Variants in CGRRF1 observed in about 807,000 individuals in gnomAD.
CGRRF1 encodes cell growth regulator with RING finger domain protein 1.
A neutral mutation model predicts 37.2 loss-of-function variants in CGRRF1; 32 were observed. The observed-to-expected ratio is 0.86, with a 90% CI of 0.65 to 1.16. The LOEUF is 1.16. CGRRF1 is among the 50% of genes most tolerant of loss of function. The pLI is 0.00. For synonymous variants in CGRRF1, 141 were observed against 140.3 expected, an observed-to-expected ratio of 1.00 and a Z score of -0.04; for missense variants, 391 against 382.6, an observed-to-expected ratio of 1.02 and a Z score of -0.18.
intron 2 of CGRRF1, 106 bp downstream of exon 2, chr14:54,522,699 A>G: frequency 9.4e-7 from 1 of 1,069,416 alleles, no homozygotes. Context: ...TTTAACAAAC[A>G]TTTGTTGGGC....
chr14:54,515,083 G>GT lies in CGRRF1; in HGVS notation c.104+5026dup, dbSNP rs1219713266. Among the ~76,000 whole-genome samples the GT allele has an allele frequency of 1.0e-3, 140 of 139,912 alleles. 2 individuals carry two copies. The highest frequency in any genetic ancestry group is 2.2e-3 in the African/African-American group (82 of 37,528). 91.8% of individuals were successfully genotyped at this position (139,912 alleles called of 152,430 possible). A position where few individuals can be genotyped will look rare whatever the true frequency, so the allele number is the denominator to read the frequency against. On this transcript the variant is annotated intron_variant, in intron 1 of 5. Transcript: ENST00000216420. ...TATATATTCTGCTATTATTGGGTGA[G>GT]TTTTTTGTTTTTTTTTTTTTTTTTG...
At chr14:54,523,324 TA>T (rs1396032152) in intron 2 of CGRRF1, 7 of 154,178 alleles carry the variant, frequency 4.5e-5, no homozygotes, top group African/African-American at 1.7e-4. Context: ...TATTTTGATA[TA>T]ACATGTTCTT....
chr14:54,537,987 C>G, intron 5 of CGRRF1, 76 bp from the exon 6 acceptor site: 1 of 1,451,204 alleles, frequency 6.9e-7, no homozygotes, highest in South Asian at 1.4e-5. Context: ...AATTTTAAGC[C>G]GCTTCTTATG....
intron 4 of CGRRF1, chr14:54,536,834 T>C (rs914648398): frequency 1.3e-5 from 2 of 152,204 alleles, no homozygotes; most frequent in Admixed American, 1.3e-4. Context: ...TTTTATCATG[T>C]ATATTTTTAA....
At chr14:54,517,954 T>A in intron 1 of CGRRF1, among the ~76,000 whole-genome samples, 1 of 152,380 alleles carries the variant, frequency 6.6e-6, no homozygotes, top group Middle Eastern at 3.4e-3. Context: ...GGACATGACC[T>A]TGTTCCTTTT....
Position 54,512,444 on chromosome 14 carries a change from T to TTG in CGRRF1, c.104+2382_104+2383insGT, listed in dbSNP as rs549468218. Among the ~76,000 whole-genome samples the TTG allele has an allele frequency of 1.8e-3, 268 of 152,360 alleles. 2 individuals are homozygous for TTG. Among genetic ancestry groups the TTG allele is most frequent in the African/African-American group, 6.2e-3 (259 of 41,588 alleles). ...AAGCCCAAAAGTCCATTTACATCCTTTAACAGTTTCAAATAATCAGGGACC... is the reference window on the plus strand; with the variant it reads ...AAGCCCAAAAGTCCATTTACATCCTTTGTAACAGTTTCAAATAATCAGGGACC... On this transcript the variant is annotated intron_variant, in intron 1 of 5. Transcript: ENST00000216420.
At chr14:54,533,106 T>C (rs1293742527) in intron 4 of CGRRF1, among the ~76,000 whole-genome samples, 2 of 151,910 alleles carry the variant, frequency 1.3e-5, no homozygotes, top group Non-Finnish European at 2.9e-5. Flanking sequence ...TTTTTTTTTT[T>C]CTAACTTTCT....
intron 4 of CGRRF1, among the ~76,000 whole-genome samples, chr14:54,533,439 T>C (rs577843189): frequency 4.7e-4 from 72 of 152,300 alleles, no homozygotes; most frequent in African/African-American, 1.7e-3. Flanking sequence ...CTCCCTCCTT[T>C]TTTCCTGTTA....
At chr14:54,517,574 AATTATT>A (rs970629896) in intron 1 of CGRRF1, among the ~76,000 whole-genome samples, 2 of 151,558 alleles carry the variant, frequency 1.3e-5, no homozygotes, top group Non-Finnish European at 2.9e-5. Flanking sequence ...TCCACTTTGC[AATTATT>A]ATTATTATTA....
At chr14:54,515,327 C>T (rs183181544) in intron 1 of CGRRF1, among the ~76,000 whole-genome samples, 3 of 152,032 alleles carry the variant, frequency 2.0e-5, no homozygotes. Flanking sequence ...CGCTTGACCT[C>T]ATGATCTGCC....
chr14:54,525,955 G>A (rs2032404307), intron 2 of CGRRF1, among the ~76,000 whole-genome samples: 1 of 151,816 alleles, frequency 6.6e-6, no homozygotes, highest in South Asian at 2.1e-4. Context: ...AATTAGCTGG[G>A]CGTGGTGGCA....
intron 1 of CGRRF1, among the ~76,000 whole-genome samples, chr14:54,511,589 G>A (rs2032130709): frequency 6.6e-6 from 1 of 152,152 alleles, no homozygotes. Flanking sequence ...ATTTTAAATA[G>A]GCCAACTAAT....
chr14:54,523,754 A>G (rs1206969221), intron 2 of CGRRF1, among the ~76,000 whole-genome samples: 1 of 152,182 alleles, frequency 6.6e-6, no homozygotes, highest in Non-Finnish European at 1.5e-5. Flanking sequence ...CAAGTTTCCA[A>G]AGAAAGGCAA....
chr14:54,529,978 T>TA, intron 2 of CGRRF1, 71 bp from the exon 3 acceptor site: 4 of 1,286,150 alleles, frequency 3.1e-6, no homozygotes, highest in South Asian at 3.0e-5. Flanking sequence ...AAGCTTTTGT[T>TA]ACTCACCCTG....
chr14:54,517,464 G>A (rs1258772579), intron 1 of CGRRF1, among the ~76,000 whole-genome samples: 5 of 152,114 alleles, frequency 3.3e-5, no homozygotes, highest in Admixed American at 6.5e-5. Flanking sequence ...TTCAGTGTTA[G>A]ACTTGTGTGT....
intron 1 of CGRRF1, among the ~76,000 whole-genome samples, chr14:54,517,766 C>CT (rs1236410676): frequency 1.3e-5 from 2 of 152,174 alleles, no homozygotes; most frequent in African/African-American, 4.8e-5. Flanking sequence ...TCTTGATGCT[C>CT]TCCCTCCCCC....
chr14:54,509,935 G>C lies in CGRRF1; in HGVS notation c.-25G>C, dbSNP rs557381217. The C allele has an allele frequency of 1.3e-5, 21 of 1,562,942 alleles. No individual in the cohort carries two copies. Among genetic ancestry groups the C allele is most frequent in the African/African-American group, 4.1e-5 (3 of 73,942 alleles). On this transcript the variant is annotated 5_prime_UTR_variant, in exon 1 of 6. Coordinates refer to ENST00000216420, the MANE Select transcript of CGRRF1 (RefSeq NM_006568.3). ...TGGGCTGGGCTCCGCGGCTGGAGCC[G>C]GGCTCTACCCAGAGCAAGACCCTGA...
chr14:54,527,580 T>C (rs1036586064), intron 2 of CGRRF1, among the ~76,000 whole-genome samples: 3 of 152,168 alleles, frequency 2.0e-5, no homozygotes, highest in African/African-American at 7.2e-5. Flanking sequence ...CAAAGGTCTC[T>C]GACACTCTTC....
At chr14:54,533,832 G>A (rs1594656987) in intron 4 of CGRRF1, among the ~76,000 whole-genome samples, 1 of 151,430 alleles carries the variant, frequency 6.6e-6, no homozygotes, top group Admixed American at 6.6e-5. Flanking sequence ...TACATTTGTG[G>A]CAGGAAAAAA....
Sources: allele counts gnomAD v4.1 joint callset (sites outside exome capture counted in the v4.1 genomes callset), GRCh38; gene constraint gnomAD v4.1.1; transcripts MANE v1.5; gene names NCBI Gene and HGNC (gene_info 2026-07-23, HGNC 2026-07-21).